Variants in DPH7 observed in about 807,000 individuals in gnomAD.
The protein encoded by DPH7 is diphthine methyltransferase.
A neutral mutation model predicts 41.7 loss-of-function variants in DPH7; 44 were observed. The ratio of observed to expected loss-of-function variants is 1.05; its 90% CI spans 0.83 to 1.36. The LOEUF is 1.36. Among genes scored for constraint, DPH7 ranks in the 40% most tolerant of loss-of-function variants. The pLI is 0.00. For synonymous variants in DPH7, 275 were observed against 238.0 expected (o/e 1.16, Z -1.43); for missense variants, 629 against 577.5 (o/e 1.09, Z -0.91).
In DPH7 at chr9:137,564,308, G is replaced by C; in HGVS notation, c.949+126C>G. 4 of 1,251,956 alleles carry C rather than the reference G, an allele frequency of 3.2e-6. No homozygotes were observed. In the South Asian group the frequency reaches 6.1e-5, roughly 19 times the overall value. 77.6% of individuals were successfully genotyped at this position (1,251,956 alleles called of 1,614,324 possible). A position where few individuals can be genotyped will look rare whatever the true frequency, so the allele number is the denominator to read the frequency against. On this transcript the variant is annotated intron_variant, in intron 8 of 8. Coordinates refer to ENST00000277540, the MANE Select transcript of DPH7 (RefSeq NM_138778.5). ...GTCTAGGGCGCGACGCTGGGAGTGTGTAAAAGCTGAGGGAAGAGCCCAGCA... is the reference window on the plus strand; with the variant it reads ...GTCTAGGGCGCGACGCTGGGAGTGTCTAAAAGCTGAGGGAAGAGCCCAGCA...
rs1180384089 is a variant in DPH7, at chr9:137,564,497, G to A, written c.886C>T (p.His296Tyr). ...WRIKWHPFHH[H>Y]LLLAACMHSG... The stretch of plus-strand genomic sequence containing the variant: ...TGCATGCAGGCGGCCAGGAGCAGGT[G>A]GTGGTGGAAAGGGTGCCACTTGATT... Residue 296 changes from histidine (H) to tyrosine (Y), a missense_variant, in exon 8 of 9, where the codon CAC (histidine) becomes TAC (tyrosine). Physicochemically the swap from His to Tyr is moderately conservative, Grantham distance 83. Coordinates refer to ENST00000277540, the MANE Select transcript of DPH7 (RefSeq NM_138778.5). 4 of 1,614,128 alleles carry A rather than the reference G, an allele frequency of 2.5e-6. No homozygotes were observed. In the East Asian group the frequency reaches 6.7e-5, roughly 27 times the overall value.
At chr9:137,561,395 C>T (rs950944305) in intron 8 of DPH7, among the ~76,000 whole-genome samples, 1 of 151,986 alleles carries the variant, frequency 6.6e-6, no homozygotes, top group Non-Finnish European at 1.5e-5. Flanking sequence ...CAAAAATTAG[C>T]CAGGCGTGGT....
Position 137,578,631 on chromosome 9 carries a change from C to T in DPH7, c.147G>A (p.Gln49=), listed in dbSNP as rs1564478802. ...GAAGCCGCGGCGCGCGCACCTTGTT[C>T]TGGGGGCCGGCAGGCCGGTCCTCCG... ...RRPEDRPAGP[Q]NKGGMEVKEP... is the part of the protein sequence containing the mutation. Residue 49 remains glutamine, a synonymous_variant, in exon 1 of 9, where the codon CAG becomes CAA. Transcript: ENST00000277540. The T allele has an allele frequency of 7.0e-7, 1 of 1,420,040 alleles. No individual in the cohort carries two copies. The highest frequency in any genetic ancestry group is 3.1e-5 in the East Asian group (1 of 32,372). The allele number at this position is 1,420,040 out of a possible 1,614,324, so 88.0% of individuals were successfully genotyped here.
intron 8 of DPH7, among the ~76,000 whole-genome samples, chr9:137,559,200 C>T (rs562036760): frequency 6.6e-6 from 1 of 152,012 alleles, no homozygotes; most frequent in Non-Finnish European, 1.5e-5. Flanking sequence ...CCAGGCCATA[C>T]AGAGATAGGA....
At position 137,577,544 on chromosome 9, in the gene DPH7, G is replaced by T; in HGVS notation, c.213C>A (p.Phe71Leu). 1 of 1,614,060 alleles carries T rather than the reference G, an allele frequency of 6.2e-7. No individual in the cohort carries two copies. The highest frequency in any genetic ancestry group is 8.5e-7 in the Non-Finnish European group (1 of 1,179,974). ...GAGGGTGAATAGAGTTGTTGTCATTGAAACTGTACAGGAAGAGACGGCCTA... is the reference window on the plus strand; with the variant it reads ...GAGGGTGAATAGAGTTGTTGTCATTTAAACTGTACAGGAAGAGACGGCCTA... ...VRLGRLFLYS[F>L]NDNNSIHPLV... Residue 71 changes from phenylalanine to leucine, a missense_variant, in exon 2 of 9, where the codon TTC becomes TTA. By Grantham distance (22) the Phe-to-Leu change is conservative (BLOSUM62 0). Transcript: ENST00000277540.
At chr9:137,577,083 C>T (rs1181486527) in intron 2 of DPH7, among the ~76,000 whole-genome samples, 3 of 151,178 alleles carry the variant, frequency 2.0e-5, no homozygotes, top group African/African-American at 7.3e-5. Flanking sequence ...AGGATAAAAA[C>T]TGGTACACCT....
chr9:137,578,472 A>T (rs1165091184), intron 1 of DPH7, 153 bp downstream of exon 1: 2 of 1,002,926 alleles, frequency 2.0e-6, no homozygotes, highest in East Asian at 3.3e-5. Context: ...GGCCGAGAAC[A>T]ATTTTTTTAA....
intron 5 of DPH7, among the ~76,000 whole-genome samples, chr9:137,572,246 C>T (rs895921681): frequency 6.6e-6 from 1 of 152,142 alleles, no homozygotes; most frequent in Admixed American, 6.5e-5. Flanking sequence ...CATCCCGTGA[C>T]GAAACCCTGA....
chr9:137,578,039 CG>C (rs71387845), intron 1 of DPH7: 1 of 983,428 alleles, frequency 1.0e-6, no homozygotes, highest in Non-Finnish European at 1.2e-6. Flanking sequence ...TAAAGTTGGC[CG>C]GGGGCGGTGG....
intron 3 of DPH7, chr9:137,575,400 C>G: frequency 5.1e-6 from 5 of 988,410 alleles, no homozygotes; most frequent in Non-Finnish European, 6.0e-6. Context: ...TACCAAAGCC[C>G]TTTCCTGGGT....
intron 3 of DPH7, 116 bp from the exon 4 acceptor site, chr9:137,574,959 A>C: frequency 6.6e-7 from 1 of 1,515,756 alleles, no homozygotes; most frequent in East Asian, 2.4e-5. Context: ...ATGCGAATGA[A>C]GTACATCAGT....
At position 137,574,782 on chromosome 9, in the gene DPH7, G is replaced by C. The variant is rs1299862674; in HGVS notation, c.437C>G (p.Ser146Cys). The C allele has an allele frequency of 6.2e-7, 1 of 1,613,980 alleles. No individual in the cohort carries two copies. The highest frequency in any genetic ancestry group is 1.7e-5 in the Admixed American group (1 of 60,008). The change falls in exon 4 of 9, where the codon TCC becomes TGC. Residue 146 changes from serine (S) to cysteine (C), a missense_variant. Ser to Cys is a moderately radical substitution (Grantham distance 112, BLOSUM62 -1). Transcript: ENST00000277540. The part of the protein sequence containing the change: ...LALEEQCLAL[S>C]LDWSTGKTGR... ...AGTTTTCCCAGTGGACCAATCTAGG[G>C]ACAAAGCCAGACACTGCTCCTCCAG...
At position 137,564,619 on chromosome 9, in the gene DPH7, A is replaced by T. The variant is rs1439464833; in HGVS notation, c.777-13T>A. 3.7e-6 allele frequency: 6 copies of T among 1,605,174 alleles called. No homozygotes were observed. In the South Asian group the frequency reaches 5.5e-5, roughly 15 times the overall value. ...GTGTTCATCATAGCTGAAACCGACC[A>T]ACCACAGGAGGCATATAAGGAAAGC... On this transcript the variant is annotated splice_polypyrimidine_tract_variant and intron_variant, in intron 7 of 8. Coordinates refer to ENST00000277540, the MANE Select transcript of DPH7 (RefSeq NM_138778.5).
chr9:137,569,037 G>T (rs768757631), intron 5 of DPH7, among the ~76,000 whole-genome samples: 1 of 152,238 alleles, frequency 6.6e-6, no homozygotes, highest in Non-Finnish European at 1.5e-5. Context: ...AAGGATGGGA[G>T]AAGAGAGGAG....
intron 2 of DPH7, chr9:137,576,466 G>T: frequency 3.0e-6 from 1 of 331,404 alleles, no homozygotes; most frequent in Non-Finnish European, 5.8e-6. Flanking sequence ...GGCCGGGCAT[G>T]GTGGCTCACA....
intron 4 of DPH7, 171 bp downstream of exon 4, chr9:137,574,581 C>T (rs971483495): frequency 1.1e-5 from 9 of 832,606 alleles, no homozygotes; most frequent in African/African-American, 1.7e-5. Context: ...AACACTATCG[C>T]TATGTATCTA....
intron 8 of DPH7, among the ~76,000 whole-genome samples, chr9:137,562,905 T>C (rs1397915747): frequency 6.6e-6 from 1 of 151,710 alleles, no homozygotes; most frequent in African/African-American, 2.4e-5. Flanking sequence ...AAGCAGAGGT[T>C]GCAGTGAGAC....
In DPH7 at chr9:137,574,626, A is replaced by C; in HGVS notation, c.467+126T>G. ...ACCTTTTTTTCATAATAGGACTGGC[A>C]GTGATGATGTCAGGGCTGAGGAGCA... On this transcript the variant is annotated intron_variant, in intron 4 of 8. Transcript: ENST00000277540. 3 of 950,240 alleles carry C rather than the reference A, an allele frequency of 3.2e-6. No individual in the cohort carries two copies. The South Asian group carries it at 4.6e-5, about 15-fold the overall frequency. 58.9% of individuals were successfully genotyped at this position (950,240 alleles called of 1,614,324 possible).
rs539267242 is a variant in DPH7 at position 137,575,018 on chromosome 9, G to A, written c.376-175C>T. ...CACTGAAACCCCTGCTAGGGGCCCC[G>A]AGAAGACCTGGGGACACTGGAGCTC... On this transcript the variant is annotated intron_variant, in intron 3 of 8. Transcript: ENST00000277540. The A allele has an allele frequency of 1.1e-4, 152 of 1,411,294 alleles. No individual in the cohort carries two copies. The African/African-American group carries it at 1.8e-3, about 17-fold the overall frequency. 87.4% of individuals were successfully genotyped at this position (1,411,294 alleles called of 1,614,324 possible).
Sources: gnomAD v4.1 joint callset for allele counts (sites outside exome capture counted in the v4.1 genomes callset) on GRCh38, gnomAD v4.1.1 for gene constraint, MANE v1.5 for transcripts, NCBI Gene and HGNC (gene_info 2026-07-23, HGNC 2026-07-21) for gene names.